The following SVEP1 variants were observed in gnomAD, a reference collection of about 807,000 sequenced individuals.
SVEP1 encodes sushi, von Willebrand factor type A, EGF and pentraxin domain containing 1.
In SVEP1, 164 loss-of-function variants were observed where a neutral mutation model predicts 367.3. The observed-to-expected ratio is 0.45, with a 90% CI of 0.39 to 0.51. The LOEUF (loss-of-function observed/expected upper bound fraction) is 0.51, where lower values mean the gene tolerates loss of function less well. Ranked by LOEUF, SVEP1 falls within the 20% of genes least tolerant of loss-of-function variation. The pLI is 0.00. For synonymous variants in SVEP1, 1,666 were observed against 1,611.6 expected (o/e 1.03, Z -0.81); for missense variants, 4,117 against 4,425.3 (o/e 0.93, Z 1.98).
chr9:110,431,395 C>G (rs1255000430), intron 32 of SVEP1, among the ~76,000 whole-genome samples: 1 of 152,156 alleles, frequency 6.6e-6, no homozygotes, highest in East Asian at 1.9e-4. Context: ...CCAGGAGTTA[C>G]TCTTCACAAC....
intron 1 of SVEP1, among the ~76,000 whole-genome samples, chr9:110,552,578 C>T (rs1272986594): frequency 6.6e-6 from 1 of 152,078 alleles, no homozygotes; most frequent in Non-Finnish European, 1.5e-5. Context: ...ACTAGATGGT[C>T]CCATCTGGGA....
chr9:110,389,463 C>T, intron 41 of SVEP1, 61 bp downstream of exon 41: 2 of 1,572,662 alleles, frequency 1.3e-6, no homozygotes, highest in Non-Finnish European at 1.7e-6. Context: ...AAAATGTAGC[C>T]ACACTGTTAT....
chr9:110,470,368 A>T (rs1275667419), intron 16 of SVEP1, among the ~76,000 whole-genome samples: 5 of 151,478 alleles, frequency 3.3e-5, no homozygotes, highest in East Asian at 1.9e-4. Context: ...CACCTCAATT[A>T]AAAAAAAAGC....
In SVEP1 at chr9:110,468,981, T is replaced by C. The variant is rs1318171155; in HGVS notation, c.3119A>G (p.Tyr1040Cys). 6.2e-7 allele frequency: 1 copy of C among 1,613,608 alleles called. No homozygotes were observed. Residue 1040 changes from tyrosine (Y) to cysteine (C), a missense_variant, in exon 17 of 48, where the codon TAC becomes TGC. This residue lies in a region of SVEP1 where 2,174 missense variants were observed against 2,494.3 expected (regional missense o/e 0.87). Transcript: ENST00000374469. The part of the protein sequence containing the change: ...LECKLCPSGM[Y>C]TEYIHSRNIS... ...GTTTCTTGAATGGATATATTCCGTGTACATCCCAGAGGGGCAAAGCTTGCA... is the reference window on the plus strand; with the variant it reads ...GTTTCTTGAATGGATATATTCCGTGCACATCCCAGAGGGGCAAAGCTTGCA...
chr9:110,458,804 T>A (rs1828814707), intron 19 of SVEP1, 148 bp downstream of exon 19: 2 of 1,004,182 alleles, frequency 2.0e-6, no homozygotes, highest in Non-Finnish European at 2.9e-6. Flanking sequence ...TGTGTCATGG[T>A]CATCAAAAAT....
At chr9:110,401,571 A>G (rs984210626) in intron 39 of SVEP1, among the ~76,000 whole-genome samples, 1 of 150,270 alleles carries the variant, frequency 6.7e-6, no homozygotes, top group African/African-American at 2.4e-5. Flanking sequence ...AAAGAAATCA[A>G]TAATGATTAA....
chr9:110,494,871 A>G (rs537213183), intron 8 of SVEP1, among the ~76,000 whole-genome samples: 3 of 152,058 alleles, frequency 2.0e-5, no homozygotes, highest in Non-Finnish European at 4.4e-5. Flanking sequence ...AGAGAATCAC[A>G]TCAATTTTGG....
intron 1 of SVEP1, among the ~76,000 whole-genome samples, chr9:110,552,344 G>A (rs940040909): frequency 2.6e-5 from 4 of 151,984 alleles, no homozygotes; most frequent in South Asian, 2.1e-4. Flanking sequence ...GAGCCACCAC[G>A]TCTGGCCAGT....
chr9:110,385,969 A>G lies in SVEP1; in HGVS notation c.10166T>C (p.Leu3389Pro). 2.5e-6 allele frequency: 4 copies of G among 1,613,960 alleles called. No homozygotes were observed. Among genetic ancestry groups the G allele is most frequent in the Non-Finnish European group, 3.4e-6 (4 of 1,179,858 alleles). ...NVSIKCREGFLLQGHGIITCN... is the reference protein window; with the variant it reads ...NVSIKCREGFPLQGHGIITCN... ...GGTAATGATGCCGTGGCCCTGCAGC[A>G]GAAAACCTTCCCTACATTTGATGGA... The change falls in exon 43 of 48, where the codon CTG (leucine) becomes CCG (proline). Residue 3389 changes from leucine (L) to proline (P), a missense_variant. By Grantham distance (98) the Leu-to-Pro change is moderately conservative (BLOSUM62 -3). Transcript: ENST00000374469.
At chr9:110,534,585 C>G (rs1830058026) in intron 3 of SVEP1, among the ~76,000 whole-genome samples, 1 of 152,128 alleles carries the variant, frequency 6.6e-6, no homozygotes, top group South Asian at 2.1e-4. Flanking sequence ...ATTTTTAGCT[C>G]TTTGAGGAAT....
chr9:110,391,981 C>CT (rs958471280), intron 40 of SVEP1, among the ~76,000 whole-genome samples: 7 of 151,862 alleles, frequency 4.6e-5, no homozygotes, highest in Admixed American at 4.6e-4. Context: ...ATCTCCTCCT[C>CT]TATCTTCAGA....
At position 110,407,566 on chromosome 9, in the gene SVEP1, A is replaced by G. The variant is rs765813560; in HGVS notation, c.8034T>C (p.Gly2678=). The G allele has an allele frequency of 2.4e-5, 38 of 1,613,852 alleles. No homozygotes were observed. The highest frequency in any genetic ancestry group is 3.1e-5 in the Non-Finnish European group (36 of 1,179,872). Residue 2678 remains glycine, a synonymous_variant, in exon 38 of 48, where the codon GGT becomes GGC. Coordinates refer to ENST00000374469, the MANE Select transcript of SVEP1 (RefSeq NM_153366.4). ...GATTACAGGTGTATGAAACCATGGT[A>G]CCATACAGAAAGTTTGATGAATGTG... ...PATHSSNFLY[G]TMVSYTCNPG... is the part of the protein sequence containing the mutation.
At chr9:110,561,801 C>T (rs753515292) in intron 1 of SVEP1, among the ~76,000 whole-genome samples, 1 of 152,156 alleles carries the variant, frequency 6.6e-6, no homozygotes, top group Non-Finnish European at 1.5e-5. Context: ...CCTATTTATA[C>T]TGTAATTTTA....
At chr9:110,402,663 T>C (rs947229966) in intron 39 of SVEP1, among the ~76,000 whole-genome samples, 1 of 152,132 alleles carries the variant, frequency 6.6e-6, no homozygotes, top group Non-Finnish European at 1.5e-5. Flanking sequence ...GGGACCCAGT[T>C]GTCTACACAC....
chr9:110,396,216 A>C (rs999036351), intron 40 of SVEP1, among the ~76,000 whole-genome samples: 5 of 151,406 alleles, frequency 3.3e-5, no homozygotes, highest in African/African-American at 1.2e-4. Flanking sequence ...GCTCAACTAC[A>C]TGGAAACTGA....
rs1715735960 is a variant in SVEP1 at position 110,495,002 on chromosome 9, C to T, written c.1800+1813G>A. ...TTTCTCTGGTCTGTTCACTCTCCTT[C>T]TCAGAATGAGTTTTTCAAAACTTCT... On this transcript the variant is annotated intron_variant, in intron 8 of 47. Transcript: ENST00000374469. Among the ~76,000 whole-genome samples the T allele has an allele frequency of 2.0e-5, 3 of 152,178 alleles. No individual in the cohort carries two copies. The South Asian group carries it at 6.2e-4, about 32-fold the overall frequency.
Position 110,436,340 on chromosome 9 carries a change from T to C in SVEP1, c.4764+40A>G, listed in dbSNP as rs1165921969. The C allele has an allele frequency of 3.1e-6, 5 of 1,611,482 alleles. No homozygotes were observed. The Admixed American group carries it at 5.0e-5, about 16-fold the overall frequency. The stretch of plus-strand genomic sequence containing the variant: ...TCACATTTTTACTAGGTTTGTACCT[T>C]TGCATCTCATTACTGTCATACACTG... On this transcript the variant is annotated intron_variant, in intron 28 of 47. Coordinates refer to ENST00000374469, the MANE Select transcript of SVEP1 (RefSeq NM_153366.4).
At chr9:110,431,253 T>C (rs962170673) in intron 32 of SVEP1, among the ~76,000 whole-genome samples, 7 of 152,186 alleles carry the variant, frequency 4.6e-5, no homozygotes, top group Non-Finnish European at 8.8e-5. Flanking sequence ...AAGTGAATTA[T>C]AAAACAGGAA....
At chr9:110,390,650 T>C (rs1827641078) in intron 40 of SVEP1, among the ~76,000 whole-genome samples, 1 of 151,950 alleles carries the variant, frequency 6.6e-6, no homozygotes, top group Non-Finnish European at 1.5e-5. Context: ...TGAACTCCAC[T>C]GATTATAAGA....
Sources: gnomAD v4.1 joint callset for allele counts (sites outside exome capture counted in the v4.1 genomes callset) on GRCh38, gnomAD v4.1.1 for gene constraint, gnomAD v4.1.1 regional missense constraint, MANE v1.5 for transcripts, NCBI Gene and HGNC (gene_info 2026-07-23, HGNC 2026-07-21) for gene names.